The following EPHA7 variants were observed in gnomAD, a reference collection of about 807,000 sequenced individuals.
EPHA7 encodes the protein ephrin type-A receptor 7.
In EPHA7, 25 loss-of-function variants were observed where a neutral mutation model predicts 112.6. The observed-to-expected ratio is 0.22, with a 90% CI of 0.16 to 0.31. EPHA7 has a LOEUF of 0.31. Among genes scored for constraint, EPHA7 ranks in the 10% least tolerant of loss-of-function variants. The probability of loss-of-function intolerance (pLI) is 1.00; values close to 1 mark genes in which losing one functional copy is unlikely to be tolerated. For synonymous variants in EPHA7, 437 were observed against 406.5 expected, an observed-to-expected ratio of 1.07 and a Z score of -0.90; for missense variants, 962 against 1,212.6, an observed-to-expected ratio of 0.79 and a Z score of 3.07.
intron 3 of EPHA7, among the ~76,000 whole-genome samples, chr6:93,374,708 T>C (rs1054964248): frequency 2.0e-5 from 3 of 152,196 alleles, no homozygotes; most frequent in Non-Finnish European, 2.9e-5. Context: ...GTTCAACTCC[T>C]GAGTTCAAGT....
chr6:93,416,982 C>A (rs1779266321), intron 1 of EPHA7, among the ~76,000 whole-genome samples: 4 of 152,230 alleles, frequency 2.6e-5, no homozygotes, highest in Admixed American at 2.6e-4. Flanking sequence ...CCGGTGGCGC[C>A]CTCGCTCGAG....
chr6:93,351,026 T>C (rs1775665877), intron 5 of EPHA7, among the ~76,000 whole-genome samples: 1 of 152,062 alleles, frequency 6.6e-6, no homozygotes, highest in African/African-American at 2.4e-5. Context: ...ATAATGGATA[T>C]TGTAATGGGC....
intron 5 of EPHA7, among the ~76,000 whole-genome samples, chr6:93,316,224 C>T (rs164295): frequency 0.62 from 93,991 of 151,942 alleles, 29,357 homozygotes; most frequent in African/African-American, 0.72. Context: ...TTTCTAAAAA[C>T]CTTCATATTT....
chr6:93,382,235 G>A (rs1234201626), intron 3 of EPHA7, among the ~76,000 whole-genome samples: 1 of 152,120 alleles, frequency 6.6e-6, no homozygotes, highest in Non-Finnish European at 1.5e-5. Context: ...GTGCCAGGGT[G>A]GGGGCTGGGT....
intron 5 of EPHA7, among the ~76,000 whole-genome samples, chr6:93,299,004 A>G (rs1181416606): frequency 6.6e-6 from 1 of 152,160 alleles, no homozygotes; most frequent in Non-Finnish European, 1.5e-5. Flanking sequence ...ACGTTTTTCA[A>G]AAGACATACA....
At chr6:93,243,668 A>G (rs1769781256) in intron 16 of EPHA7, 128 bp from the exon 17 acceptor site, 1 of 654,992 alleles carries the variant, frequency 1.5e-6, no homozygotes, top group African/African-American at 1.8e-5. Flanking sequence ...GTTCTTGGGT[A>G]TTATGATCAC....
chr6:93,257,625 G>T, intron 11 of EPHA7, 102 bp from the exon 12 acceptor site: 1 of 743,022 alleles, frequency 1.3e-6, no homozygotes, highest in Non-Finnish European at 2.2e-6. Flanking sequence ...TTGAAAGAGT[G>T]AGTGTGAGAA....
chr6:93,369,500 A>G (rs537921914), intron 3 of EPHA7, among the ~76,000 whole-genome samples: 3 of 152,330 alleles, frequency 2.0e-5, no homozygotes, highest in African/African-American at 7.2e-5. Context: ...GAATAACCCT[A>G]TATAGTTTCA....
chr6:93,353,656 G>T (rs150610467), intron 5 of EPHA7, among the ~76,000 whole-genome samples: 4 of 152,150 alleles, frequency 2.6e-5, no homozygotes, highest in Non-Finnish European at 5.9e-5. Flanking sequence ...CATTTTTATG[G>T]CAATGTATGA....
intron 3 of EPHA7, among the ~76,000 whole-genome samples, chr6:93,359,130 C>T (rs1011574885): frequency 1.3e-5 from 2 of 151,990 alleles, no homozygotes; most frequent in African/African-American, 2.4e-5. Flanking sequence ...TGTCCTCTGC[C>T]GAGAGAGGGT....
intron 7 of EPHA7, among the ~76,000 whole-genome samples, chr6:93,266,663 A>G (rs910670498): frequency 1.3e-5 from 2 of 150,960 alleles, no homozygotes; most frequent in Non-Finnish European, 2.9e-5. Context: ...CTTTACAAAC[A>G]GTGCTCAAGT....
intron 5 of EPHA7, among the ~76,000 whole-genome samples, chr6:93,356,124 A>T (rs527858038): frequency 6.6e-6 from 1 of 152,100 alleles, no homozygotes; most frequent in East Asian, 1.9e-4. Flanking sequence ...CTTCATTTTG[A>T]CCACTATTTT....
chr6:93,395,287 C>A (rs529925311), intron 3 of EPHA7, among the ~76,000 whole-genome samples: 4 of 151,696 alleles, frequency 2.6e-5, no homozygotes, highest in Non-Finnish European at 5.9e-5. Context: ...TGTATATATT[C>A]CTTCATTATG....
At chr6:93,263,834 A>G in intron 9 of EPHA7, 26 bp downstream of exon 9, 3 of 1,601,682 alleles carry the variant, frequency 1.9e-6, no homozygotes, top group Non-Finnish European at 2.6e-6. Context: ...GGGGTACATC[A>G]TAATAAAGAA....
At chr6:93,357,701 T>A (rs934456731) in intron 4 of EPHA7, among the ~76,000 whole-genome samples, 3 of 151,522 alleles carry the variant, frequency 2.0e-5, no homozygotes, top group African/African-American at 7.3e-5. Flanking sequence ...TTGTCCAAGC[T>A]GGAGTGTAGT....
chr6:93,385,265 G>T (rs1326085225), intron 3 of EPHA7, among the ~76,000 whole-genome samples: 1 of 152,012 alleles, frequency 6.6e-6, no homozygotes, highest in African/African-American at 2.4e-5. Context: ...AGTATTAATA[G>T]AAGAGAAAAA....
chr6:93,258,665 T>C (rs1770554126), intron 10 of EPHA7, among the ~76,000 whole-genome samples: 1 of 148,206 alleles, frequency 6.7e-6, no homozygotes, highest in Non-Finnish European at 1.5e-5. Context: ...ATATTATATA[T>C]TTAAAAATTT....
At chr6:93,364,177 T>C (rs538219233) in intron 3 of EPHA7, among the ~76,000 whole-genome samples, 12 of 152,106 alleles carry the variant, frequency 7.9e-5, no homozygotes, top group Non-Finnish European at 1.6e-4. Flanking sequence ...TTGTACACTT[T>C]AATGGGGGAA....
chr6:93,256,140 T>C (rs2127856866), intron 12 of EPHA7, 103 bp from the exon 13 acceptor site: 1 of 967,300 alleles, frequency 1.0e-6, no homozygotes, highest in South Asian at 1.6e-5. Flanking sequence ...TATTGTATAA[T>C]AGGAATTGTT....
Sources: gnomAD v4.1 joint callset for allele counts (sites outside exome capture counted in the v4.1 genomes callset) on GRCh38, gnomAD v4.1.1 for gene constraint, MANE v1.5 for transcripts, NCBI Gene and HGNC (gene_info 2026-07-23, HGNC 2026-07-21) for gene names.